Variants in WASHC5 observed in about 807,000 individuals in gnomAD.
The protein encoded by WASHC5 is WASH complex subunit 5, also known as WASH complex subunit strumpellin.
A neutral mutation model predicts 150.4 loss-of-function variants in WASHC5; 101 were observed. The observed-to-expected ratio is 0.67, with a 90% CI of 0.57 to 0.79. The LOEUF (loss-of-function observed/expected upper bound fraction) is 0.79, where lower values mean the gene tolerates loss of function less well. WASHC5 is among the 30% of genes least tolerant of loss of function. The pLI is 0.00. For missense variants in WASHC5, 1,195 were observed against 1,396.3 expected (o/e 0.86, Z 2.30); for synonymous variants, 467 against 491.2 (o/e 0.95, Z 0.65).
At chr8:125,031,577 T>C (rs1221806888) in intron 27 of WASHC5, among the ~76,000 whole-genome samples, 2 of 152,214 alleles carry the variant, frequency 1.3e-5, no homozygotes, top group East Asian at 3.9e-4. Flanking sequence ...CTTTGATTCG[T>C]TTTTTACATT....
chr8:125,044,549 A>G lies in WASHC5; in HGVS notation c.2654T>C (p.Val885Ala), dbSNP rs148631103. Reference sequence around the variant, plus strand: ...CAAAAGGCTCACCTGTAACTCTTTTACAATCATAAAGCACAGAAGCCTGTC... The same window carrying G: ...CAAAAGGCTCACCTGTAACTCTTTTGCAATCATAAAGCACAGAAGCCTGTC... ...GLDRLLCFMIVKELQNFLSMF... is the reference protein window; with the variant it reads ...GLDRLLCFMIAKELQNFLSMF... Residue 885 changes from valine (V) to alanine (A), a missense_variant, in exon 21 of 29, where the codon GTA (valine) becomes GCA (alanine). This residue lies in a region of WASHC5 where 997 missense variants were observed against 1,168.1 expected (regional missense o/e 0.85). Coordinates refer to ENST00000318410, the MANE Select transcript of WASHC5 (RefSeq NM_014846.4). 4.3e-6 allele frequency: 7 copies of G among 1,613,908 alleles called. No homozygotes were observed. In the African/African-American group the frequency reaches 9.3e-5, roughly 22 times the overall value.
chr8:125,034,256 T>C (rs1214288377), intron 26 of WASHC5, among the ~76,000 whole-genome samples: 2 of 152,216 alleles, frequency 1.3e-5, no homozygotes, highest in East Asian at 3.9e-4. Context: ...TCTTGGCACT[T>C]TGGGAGGCCA....
intron 20 of WASHC5, among the ~76,000 whole-genome samples, chr8:125,046,530 G>A (rs1471704057): frequency 6.6e-6 from 1 of 152,190 alleles, no homozygotes; most frequent in Non-Finnish European, 1.5e-5. Flanking sequence ...TGGAGTCAGA[G>A]GGCCTGGAGT....
At chr8:125,064,823 G>A (rs1816701461) in intron 10 of WASHC5, among the ~76,000 whole-genome samples, 3 of 152,054 alleles carry the variant, frequency 2.0e-5, no homozygotes, top group Non-Finnish European at 4.4e-5. Flanking sequence ...ATCTGCAGGT[G>A]GAGAATCAGG....
At chr8:125,055,105 A>G (rs990850887) in intron 17 of WASHC5, among the ~76,000 whole-genome samples, 1 of 152,114 alleles carries the variant, frequency 6.6e-6, no homozygotes, top group Non-Finnish European at 1.5e-5. Context: ...AAAGATTACA[A>G]TGCTTTCTCT....
chr8:125,080,177 T>C (rs550594329), intron 5 of WASHC5, among the ~76,000 whole-genome samples: 2 of 152,336 alleles, frequency 1.3e-5, no homozygotes, highest in South Asian at 4.1e-4. Context: ...GTGTTCAGTG[T>C]CACTTCAATA....
chr8:125,030,833 A>G (rs1188310137), intron 27 of WASHC5, among the ~76,000 whole-genome samples: 1 of 152,084 alleles, frequency 6.6e-6, no homozygotes, highest in African/African-American at 2.4e-5. Context: ...AGAAAAAGTC[A>G]CTCACTATGG....
In WASHC5 at chr8:125,059,497, A is replaced by T; in HGVS notation, c.1567T>A (p.Phe523Ile). The T allele has an allele frequency of 6.2e-7, 1 of 1,613,712 alleles. No individual in the cohort carries two copies. The highest frequency in any genetic ancestry group is 8.5e-7 in the Non-Finnish European group (1 of 1,179,742). ...QLESNLQVCQFLADTRKFLHQ... is the reference protein window; with the variant it reads ...QLESNLQVCQILADTRKFLHQ... Reference sequence around the variant, plus strand: ...AGAAACTTTCGAGTATCGGCAAGAAACTGACATACTTGCAGATTGGATTCC... The same window carrying T: ...AGAAACTTTCGAGTATCGGCAAGAATCTGACATACTTGCAGATTGGATTCC... Residue 523 changes from phenylalanine (F) to isoleucine (I), a missense_variant, in exon 13 of 29, where the codon TTT (phenylalanine) becomes ATT (isoleucine). By Grantham distance (21) the Phe-to-Ile change is conservative. Coordinates refer to ENST00000318410, the MANE Select transcript of WASHC5 (RefSeq NM_014846.4).
chr8:125,061,576 T>C (rs1159902608), intron 11 of WASHC5, among the ~76,000 whole-genome samples: 1 of 152,034 alleles, frequency 6.6e-6, no homozygotes, highest in Non-Finnish European at 1.5e-5. Context: ...GGGAATTGTA[T>C]CCAGATGAAA....
chr8:125,081,039 C>G (rs990879416), intron 5 of WASHC5, among the ~76,000 whole-genome samples: 2 of 152,032 alleles, frequency 1.3e-5, no homozygotes, highest in African/African-American at 4.8e-5. Flanking sequence ...AATTTAGCCT[C>G]AAGGTAAAGA....
intron 27 of WASHC5, among the ~76,000 whole-genome samples, chr8:125,031,111 A>C (rs1288822794): frequency 2.0e-5 from 3 of 152,220 alleles, no homozygotes; most frequent in Non-Finnish European, 4.4e-5. Context: ...AGGTAGCACA[A>C]GCCCCCTCGG....
At chr8:125,077,644 A>G (rs1429153599) in intron 6 of WASHC5, among the ~76,000 whole-genome samples, 1 of 152,232 alleles carries the variant, frequency 6.6e-6, no homozygotes, top group Non-Finnish European at 1.5e-5. Context: ...ATTGACACAG[A>G]CCAAATTCAA....
Position 125,082,483 on chromosome 8 carries a change from C to G in WASHC5, c.333-16G>C. The G allele has an allele frequency of 7.8e-7, 1 of 1,274,298 alleles. No homozygotes were observed. Among genetic ancestry groups the G allele is most frequent in the Non-Finnish European group, 1.1e-6 (1 of 871,336 alleles). 78.9% of individuals were successfully genotyped at this position (1,274,298 alleles called of 1,614,324 possible). ...ATCTAGATATCTAGAAATAAAACCA[C>G]AGTGCAAGTTATTAATTTATAATAG... On this transcript the variant is annotated splice_polypyrimidine_tract_variant and intron_variant, in intron 3 of 28. Coordinates refer to ENST00000318410, the MANE Select transcript of WASHC5 (RefSeq NM_014846.4).
At chr8:125,042,562 T>C (rs1375657154) in intron 23 of WASHC5, among the ~76,000 whole-genome samples, 1 of 152,098 alleles carries the variant, frequency 6.6e-6, no homozygotes, top group Admixed American at 6.5e-5. Context: ...CTATAACCAA[T>C]AGTTGGAATA....
intron 8 of WASHC5, among the ~76,000 whole-genome samples, 191 bp downstream of exon 8, chr8:125,074,807 A>G (rs558817073): frequency 6.6e-6 from 1 of 152,318 alleles, no homozygotes; most frequent in East Asian, 1.9e-4. Flanking sequence ...TCTTCAATTT[A>G]CATATACTAT....
chr8:125,067,477 T>G lies in WASHC5; in HGVS notation c.1278+115A>C. 1.0e-5 allele frequency: 9 copies of G among 904,440 alleles called. No homozygotes were observed. In the South Asian group the frequency reaches 1.3e-4, roughly 13 times the overall value. The allele number at this position is 904,440 out of a possible 1,614,324, so 56.0% of individuals were successfully genotyped here. A position where few individuals can be genotyped will look rare whatever the true frequency, so the allele number is the denominator to read the frequency against. On this transcript the variant is annotated intron_variant, in intron 10 of 28. Coordinates refer to ENST00000318410, the MANE Select transcript of WASHC5 (RefSeq NM_014846.4). ...TAACTATAAGAACTATCTCAACAGC[T>G]CAAATCTGTACCTTGAATCAGAGAC... is the stretch of plus-strand genomic sequence containing the variant.
intron 11 of WASHC5, among the ~76,000 whole-genome samples, chr8:125,061,983 CT>C (rs1816607960): frequency 6.6e-6 from 1 of 152,152 alleles, no homozygotes; most frequent in African/African-American, 2.4e-5. Context: ...ACTCTGTGCT[CT>C]TTACCTCACC....
chr8:125,081,780 A>G lies in WASHC5; in HGVS notation c.418-19T>C. 1 of 1,427,296 alleles carries G rather than the reference A, an allele frequency of 7.0e-7. No individual in the cohort carries two copies. The highest frequency in any genetic ancestry group is 9.9e-7 in the Non-Finnish European group (1 of 1,010,204). The allele number at this position is 1,427,296 out of a possible 1,614,324, so 88.4% of individuals were successfully genotyped here. On this transcript the variant is annotated intron_variant, in intron 4 of 28. Coordinates refer to ENST00000318410, the MANE Select transcript of WASHC5 (RefSeq NM_014846.4). ...CTTCACACTAAGAAGAGAAGAGGAC[A>G]AAAGCCAAAATCACTAGATTATACA...
intron 18 of WASHC5, among the ~76,000 whole-genome samples, chr8:125,050,325 G>A (rs1032254181): frequency 6.6e-6 from 1 of 151,820 alleles, no homozygotes; most frequent in Non-Finnish European, 1.5e-5. Context: ...AAGAAGCACT[G>A]GTTTTAAAAA....
Sources: allele counts gnomAD v4.1 joint callset (sites outside exome capture counted in the v4.1 genomes callset), GRCh38; gene constraint gnomAD v4.1.1; regional missense constraint gnomAD v4.1.1; transcripts MANE v1.5; gene names NCBI Gene and HGNC (gene_info 2026-07-23, HGNC 2026-07-21).